The following DGKH variants were observed in gnomAD, a reference collection of about 807,000 sequenced individuals.
DGKH encodes DAG kinase eta.
In DGKH, 90 loss-of-function variants were observed where a neutral mutation model predicts 159.3. The ratio of observed to expected loss-of-function variants is 0.57; its 90% confidence interval spans 0.48 to 0.67. The LOEUF is 0.67. DGKH is among the 30% of genes least tolerant of loss of function. The pLI, the probability that DGKH is intolerant of heterozygous loss-of-function variation, is 0.00. For missense variants in DGKH, 1,181 were observed against 1,506.1 expected, an observed-to-expected ratio of 0.78 and a Z score of 3.57; for synonymous variants, 536 against 553.8, an observed-to-expected ratio of 0.97 and a Z score of 0.45.
At chr13:42,173,960 CGTGCGTGTGTGTGTGTGTGTGT>C (rs1566158080) in intron 11 of DGKH, 78 bp from the exon 12 acceptor site, 44 of 592,576 alleles carry the variant, frequency 7.4e-5, no homozygotes, top group Admixed American at 1.2e-4. Flanking sequence ...TGTGTGTGTG[CGTGCGTGTGTGTGTGTGTGTGT>C]GCGCGTTTAT....
At chr13:42,250,596 A>G (rs1377370494) in intron 29 of DGKH, among the ~76,000 whole-genome samples, 1 of 152,224 alleles carries the variant, frequency 6.6e-6, no homozygotes, top group African/African-American at 2.4e-5. Context: ...ACTACAGTGC[A>G]GTCACATTAT....
chr13:42,161,926 T>G (rs1230926765), intron 7 of DGKH, among the ~76,000 whole-genome samples: 2 of 152,260 alleles, frequency 1.3e-5, no homozygotes, highest in African/African-American at 4.8e-5. Flanking sequence ...CTCTGTTAAC[T>G]TTAACAGCAG....
chr13:42,225,760 G>GCA (rs1958110130), intron 29 of DGKH, among the ~76,000 whole-genome samples: 1 of 132,230 alleles, frequency 7.6e-6, no homozygotes, highest in Admixed American at 8.2e-5. Flanking sequence ...GTGACAGATT[G>GCA]AGACTCTGTC....
chr13:42,199,432 G>C, intron 18 of DGKH, 134 bp from the exon 19 acceptor site: 2 of 566,770 alleles, frequency 3.5e-6, no homozygotes, highest in Non-Finnish European at 6.1e-6. Context: ...GGAATAGGAA[G>C]TGATTAGTGC....
rs555626619 is a variant in DGKH at position 42,253,425 on chromosome 13, C to G, written n.4127+944C>G. The stretch of plus-strand genomic sequence containing the variant: ...ATCTTGGACTTCTCAGCTTCCAGAG[C>G]TGAAAGTGAAATGAATGTTTCTTAT... On this transcript the variant is annotated intron_variant and non_coding_transcript_variant, in intron 30 of 30. Transcript: ENST00000498255. 7.9e-4 allele frequency among the ~76,000 whole-genome samples: 121 copies of G among 152,252 alleles called. 1 individual carries two copies. The highest frequency in any genetic ancestry group is 1.6e-3 in the Non-Finnish European group (107 of 68,020).
intron 1 of DGKH, among the ~76,000 whole-genome samples, chr13:42,126,256 C>T (rs10454614): frequency 0.12 from 18,872 of 152,096 alleles, 1,546 homozygotes; most frequent in Admixed American, 0.22. Context: ...ATGGAAAGTA[C>T]TTCGTGGGGT....
At chr13:42,198,444 A>C (rs750288619) in intron 17 of DGKH, 34 bp from the exon 18 acceptor site, 16 of 1,579,668 alleles carry the variant, frequency 1.0e-5, no homozygotes, top group Non-Finnish European at 1.4e-5. Context: ...TTTTCTTAAC[A>C]TGCGATCCCA....
At chr13:42,134,831 G>A (rs1240755622) in intron 3 of DGKH, among the ~76,000 whole-genome samples, 1 of 152,172 alleles carries the variant, frequency 6.6e-6, no homozygotes, top group Non-Finnish European at 1.5e-5. Context: ...ACAAAAATTA[G>A]CTGGACGTAT....
intron 8 of DGKH, 138 bp downstream of exon 8, chr13:42,165,571 T>G (rs1956291576): frequency 2.1e-6 from 1 of 477,794 alleles, no homozygotes; most frequent in Admixed American, 4.2e-5. Flanking sequence ...TTTAAATTGC[T>G]GAAAGTACAT....
chr13:42,198,271 CAT>C (rs1413726389), intron 17 of DGKH, among the ~76,000 whole-genome samples: 1 of 152,154 alleles, frequency 6.6e-6, no homozygotes, highest in African/African-American at 2.4e-5. Flanking sequence ...TTTATGATAA[CAT>C]ATAGATCCTT....
chr13:42,187,951 T>C (rs763685663), intron 14 of DGKH, among the ~76,000 whole-genome samples: 6 of 152,218 alleles, frequency 3.9e-5, no homozygotes, highest in Non-Finnish European at 8.8e-5. Flanking sequence ...CATCTTTGCT[T>C]TCATTGGTTC....
intron 3 of DGKH, among the ~76,000 whole-genome samples, chr13:42,151,809 C>T (rs1955912648): frequency 6.6e-6 from 1 of 151,540 alleles, no homozygotes; most frequent in South Asian, 2.1e-4. Flanking sequence ...AGGTAGATAC[C>T]CAGTGGTGAG....
rs977351669 is a variant in DGKH at position 42,199,970 on chromosome 13, G to C, written c.2493+61G>C. ...TCTTACTTAAAAAAAATATCGTTTT[G>C]GAGCTAATTTGACCTAAATGCGTTT... On this transcript the variant is annotated intron_variant, in intron 20 of 29. Transcript: ENST00000337343. The C allele has an allele frequency of 6.3e-6, 9 of 1,434,614 alleles. No individual in the cohort carries two copies. In the African/African-American group the frequency reaches 1.3e-4, roughly 21 times the overall value. The allele number at this position is 1,434,614 out of a possible 1,614,324, so 88.9% of individuals were successfully genotyped here.
At chr13:42,059,303 G>A (rs935112637) in intron 1 of DGKH, among the ~76,000 whole-genome samples, 1 of 151,592 alleles carries the variant, frequency 6.6e-6, no homozygotes, top group Admixed American at 6.6e-5. Flanking sequence ...AGGCTGGAGT[G>A]CAGTGGCATG....
At chr13:42,253,723 G>A (rs1958636426) in intron 30 of DGKH, among the ~76,000 whole-genome samples, 1 of 152,140 alleles carries the variant, frequency 6.6e-6, no homozygotes, top group African/African-American at 2.4e-5. Context: ...ATCTGATTCT[G>A]TGATAAGCTT....
rs1957520083 is a variant in DGKH at position 42,207,128 on chromosome 13, TCC to T, written c.2601+983_2601+984del. On this transcript the variant is annotated intron_variant, in intron 21 of 29. Coordinates refer to ENST00000337343, the MANE Select transcript of DGKH (RefSeq NM_178009.5). The stretch of plus-strand genomic sequence containing the variant: ...TTCTTTCTTTCTCTTTCTCTCTCCT[TCC>T]TTCCTTCCTTCCTTCCTTCCTTCCT... 3.7e-4 allele frequency among the ~76,000 whole-genome samples: 8 copies of T among 21,420 alleles called. 1 individual carries two copies. The highest frequency in any genetic ancestry group is 7.7e-4 in the African/African-American group (6 of 7,766). The allele number at this position is 21,420 out of a possible 152,430, so 14.1% of individuals were successfully genotyped here.
At chr13:42,096,117 CA>C (rs558704219) in intron 1 of DGKH, among the ~76,000 whole-genome samples, 75 of 152,108 alleles carry the variant, frequency 4.9e-4, no homozygotes, top group African/African-American at 1.6e-3. Flanking sequence ...CTTTTATGTT[CA>C]GGGGGGTCCA....
intron 1 of DGKH, among the ~76,000 whole-genome samples, chr13:42,092,544 G>A (rs1275230713): frequency 6.6e-6 from 1 of 152,174 alleles, no homozygotes; most frequent in Non-Finnish European, 1.5e-5. Context: ...TTTAAAAAAG[G>A]TGAATCTTAT....
chr13:42,248,569 TA>T (rs1416612695), intron 29 of DGKH, among the ~76,000 whole-genome samples: 2 of 147,350 alleles, frequency 1.4e-5, no homozygotes, highest in African/African-American at 2.5e-5. Context: ...ATATTTAATA[TA>T]AATATAAAAT....
Sources: gnomAD v4.1 joint callset for allele counts (sites outside exome capture counted in the v4.1 genomes callset) on GRCh38, gnomAD v4.1.1 for gene constraint, MANE v1.5 for transcripts, NCBI Gene and HGNC (gene_info 2026-07-23, HGNC 2026-07-21) for gene names.